Variants in PNLDC1 observed in about 807,000 individuals in gnomAD.
The protein encoded by PNLDC1 is poly(A)-specific ribonuclease PNLDC1.
Under a neutral mutation model 82.0 loss-of-function variants are expected in PNLDC1, and 70 were observed. The observed-to-expected ratio is 0.85, with a 90% CI of 0.70 to 1.04. PNLDC1 has a LOEUF of 1.04. PNLDC1 is among the 50% of genes least tolerant of loss of function. The pLI, the probability that PNLDC1 is intolerant of heterozygous loss-of-function variation, is 0.00. For synonymous variants in PNLDC1, 280 were observed against 249.3 expected, an observed-to-expected ratio of 1.12 and a Z score of -1.16; for missense variants, 631 against 661.1, an observed-to-expected ratio of 0.95 and a Z score of 0.50.
At chr6:159,812,892 G>T (rs576962694) in intron 11 of PNLDC1, among the ~76,000 whole-genome samples, 1 of 152,224 alleles carries the variant, frequency 6.6e-6, no homozygotes, top group African/African-American at 2.4e-5. Flanking sequence ...GCATGTTGGT[G>T]CACACCTCCA....
intron 7 of PNLDC1, among the ~76,000 whole-genome samples, chr6:159,807,480 T>A (rs1020125769): frequency 6.6e-6 from 1 of 152,206 alleles, no homozygotes; most frequent in Non-Finnish European, 1.5e-5. Context: ...TCAACTGGAA[T>A]TTTGAAGAAT....
chr6:159,802,995 A>C (rs6935991), intron 3 of PNLDC1, among the ~76,000 whole-genome samples: 6,169 of 152,108 alleles, frequency 0.041, 197 homozygotes, highest in African/African-American at 0.079. Flanking sequence ...TTTTCTGTGG[A>C]TAGTTTTAAA....
chr6:159,806,163 C>T lies in PNLDC1; in HGVS notation c.562+80C>T, dbSNP rs1781439635. On this transcript the variant is annotated intron_variant, in intron 7 of 18. Transcript: ENST00000392167. ...CTGCCAGGAGTTGGGGGAAACACAC[C>T]CTTTCTTGGGATCCTGGTCCCAAGT... is the stretch of plus-strand genomic sequence containing the variant. 11 of 1,090,688 alleles carry T rather than the reference C, an allele frequency of 1.0e-5. No homozygotes were observed. The South Asian group carries it at 1.1e-4, about 11-fold the overall frequency. The allele number at this position is 1,090,688 out of a possible 1,614,324, so 67.6% of individuals were successfully genotyped here. A position where few individuals can be genotyped will look rare whatever the true frequency, so the allele number is the denominator to read the frequency against.
Position 159,800,848 on chromosome 6 carries a change from C to G in PNLDC1, c.134+19C>G, listed in dbSNP as rs80241540. 1.8e-3 allele frequency: 2,951 copies of G among 1,614,034 alleles called. 17 individuals carry two copies. Among genetic ancestry groups the G allele is most frequent in the Middle Eastern group, 0.014 (84 of 6,042 alleles). On this transcript the variant is annotated intron_variant, in intron 2 of 18. Coordinates refer to ENST00000392167, the MANE Select transcript of PNLDC1 (RefSeq NM_001271862.2). ...AGATCAGGTAAAACTAAAGCTGTGT[C>G]CCCTCTGTATAAGAGCCTGGCCAGA...
chr6:159,808,784 C>T lies in PNLDC1; in HGVS notation c.607C>T (p.Pro203Ser). Reference sequence around the variant, plus strand: ...CCAACTGGTGCTGAGGCAGGCCCTCCCCAACATCTGGACGGTGCTGAAAGA... The same window carrying T: ...CCAACTGGTGCTGAGGCAGGCCCTCTCCAACATCTGGACGGTGCTGAAAGA... Reference protein sequence around the residue: ...EVQLVLRQALPNIWTVLKDEG... With the variant: ...EVQLVLRQALSNIWTVLKDEG... Residue 203 changes from proline (P) to serine (S), a missense_variant, in exon 8 of 19, where the codon CCC becomes TCC. Pro to Ser is a moderately conservative substitution (Grantham distance 74, BLOSUM62 -1). Transcript: ENST00000392167. The T allele has an allele frequency of 2.5e-6, 4 of 1,614,110 alleles. No homozygotes were observed. Among genetic ancestry groups the T allele is most frequent in the Non-Finnish European group, 3.4e-6 (4 of 1,179,996 alleles).
At chr6:159,800,897 C>T (rs1435453264) in intron 2 of PNLDC1, 68 bp downstream of exon 2, 3 of 1,605,492 alleles carry the variant, frequency 1.9e-6, no homozygotes, top group East Asian at 4.5e-5. Flanking sequence ...TGGCCAGCAG[C>T]CTGTTGGCAT....
intron 9 of PNLDC1, among the ~76,000 whole-genome samples, chr6:159,809,451 AT>A (rs71904720): frequency 1.4e-3 from 191 of 138,688 alleles, no homozygotes; most frequent in South Asian, 7.9e-3. Flanking sequence ...TACCTGGCTA[AT>A]TTTTTTTTTT....
intron 13 of PNLDC1, 84 bp downstream of exon 13, chr6:159,816,117 C>CCCACCCCCCCCCCCACCCCCCCG (rs1781807020): frequency 2.9e-6 from 3 of 1,028,542 alleles, no homozygotes; most frequent in African/African-American, 1.9e-5. Flanking sequence ...CCCTGGTTCC[C>CCCACCCCCCCCCCCACCCCCCCG]CCACACCCCT....
chr6:159,804,187 G>A (rs977930548), intron 5 of PNLDC1, 99 bp downstream of exon 5: 31 of 1,395,652 alleles, frequency 2.2e-5, no homozygotes, highest in Admixed American at 1.1e-4. Context: ...TGCAATCTTC[G>A]CCTCCCGGGT....
At chr6:159,816,127 T>TCCCC in intron 13 of PNLDC1, 94 bp downstream of exon 13, 1 of 540,608 alleles carries the variant, frequency 1.8e-6, no homozygotes, top group South Asian at 3.8e-5. Flanking sequence ...CCCACACCCC[T>TCCCC]CCCCACCCAC....
chr6:159,812,307 T>A (rs1326561359), intron 11 of PNLDC1, among the ~76,000 whole-genome samples: 3 of 152,232 alleles, frequency 2.0e-5, no homozygotes, highest in Non-Finnish European at 4.4e-5. Flanking sequence ...TTAGCTTATA[T>A]ATGACTTATT....
intron 7 of PNLDC1, among the ~76,000 whole-genome samples, 186 bp downstream of exon 7, chr6:159,806,269 C>T (rs1311424035): frequency 7.2e-5 from 11 of 152,212 alleles, no homozygotes; most frequent in Admixed American, 6.5e-4. Context: ...TGCATTCACA[C>T]GTTGAAGGCT....
chr6:159,811,736 C>T lies in PNLDC1; in HGVS notation c.889C>T (p.Leu297=), dbSNP rs1197132569. The T allele has an allele frequency of 6.2e-7, 1 of 1,613,676 alleles. No homozygotes were observed. Among genetic ancestry groups the T allele is most frequent in the East Asian group, 2.2e-5 (1 of 44,886 alleles). Residue 297 remains leucine (L), a synonymous_variant, in exon 11 of 19, where the codon CTA becomes TTA. Coordinates refer to ENST00000392167, the MANE Select transcript of PNLDC1 (RefSeq NM_001271862.2). ...TCAATTTAAGCAGAATATCCACAGC[C>T]TATTTCCTGTTCTCATTGATACCAA... ...YDQFKQNIHS[L]FPVLIDTKSV... is the part of the protein sequence containing the mutation.
chr6:159,814,483 C>T (rs1781750878), intron 12 of PNLDC1, among the ~76,000 whole-genome samples: 1 of 152,148 alleles, frequency 6.6e-6, no homozygotes, highest in Admixed American at 6.5e-5. Flanking sequence ...TAGGACACTG[C>T]GTTTACCAGC....
intron 9 of PNLDC1, among the ~76,000 whole-genome samples, chr6:159,809,647 A>G (rs370269914): frequency 9.9e-5 from 15 of 152,176 alleles, no homozygotes; most frequent in South Asian, 6.2e-4. Context: ...TCACCAAATC[A>G]TGATAGGTTA....
chr6:159,819,503 C>T lies in PNLDC1; in HGVS notation c.1532+151C>T. 2 of 679,570 alleles carry T rather than the reference C, an allele frequency of 2.9e-6. No individual in the cohort carries two copies. The highest frequency in any genetic ancestry group is 5.0e-6 in the Non-Finnish European group (2 of 402,434). The allele number at this position is 679,570 out of a possible 1,614,324, so 42.1% of individuals were successfully genotyped here. The stretch of plus-strand genomic sequence containing the variant: ...TGACGAGTGTGGTGCCCTGAATGTC[C>T]TTCAGTGATGCCGCGTGTCTGTCGA... On this transcript the variant is annotated intron_variant, in intron 18 of 18. Coordinates refer to ENST00000392167, the MANE Select transcript of PNLDC1 (RefSeq NM_001271862.2). The surrounding 1 kb of genome is among the most constrained non-coding windows in gnomAD (Gnocchi z 4.6).
chr6:159,819,858 A>G lies in PNLDC1; in HGVS notation c.1532+506A>G, dbSNP rs1781977311. Among the ~76,000 whole-genome samples, 1 of 151,980 alleles carries G rather than the reference A, an allele frequency of 6.6e-6. No individual in the cohort carries two copies. The highest frequency in any genetic ancestry group is 1.5e-5 in the Non-Finnish European group (1 of 68,002). Reference sequence around the variant, plus strand: ...AGCAAAACAGCAAGGAGGGGGATGCAGGAGAAGGAACCAGTGCCCCCCAGC... The same window carrying G: ...AGCAAAACAGCAAGGAGGGGGATGCGGGAGAAGGAACCAGTGCCCCCCAGC... On this transcript the variant is annotated intron_variant, in intron 18 of 18. Coordinates refer to ENST00000392167, the MANE Select transcript of PNLDC1 (RefSeq NM_001271862.2). The surrounding 1 kb of genome is among the most constrained non-coding windows in gnomAD (Gnocchi z 4.6).
intron 4 of PNLDC1, among the ~76,000 whole-genome samples, chr6:159,803,579 A>T (rs1781339359): frequency 6.6e-6 from 1 of 152,132 alleles, no homozygotes; most frequent in African/African-American, 2.4e-5. Context: ...CACCTATATT[A>T]ATAAAAGCGC....
intron 12 of PNLDC1, among the ~76,000 whole-genome samples, chr6:159,814,214 G>A (rs774150355): frequency 1.1e-4 from 16 of 152,318 alleles, no homozygotes; most frequent in South Asian, 2.1e-4. Context: ...ACCCAGAGCC[G>A]CCAGTCTGTC....
Sources: allele counts gnomAD v4.1 joint callset (sites outside exome capture counted in the v4.1 genomes callset), GRCh38; gene constraint gnomAD v4.1.1; non-coding constraint Gnocchi (gnomAD v3.1); transcripts MANE v1.5; gene names NCBI Gene and HGNC (gene_info 2026-07-23, HGNC 2026-07-21).